ZFP64: variants seen among roughly 807,000 people sequenced by gnomAD.
ZFP64 encodes the protein zinc finger protein 64.
A neutral mutation model predicts 51.6 loss-of-function variants in ZFP64; 14 were observed. The ratio of observed to expected loss-of-function variants is 0.27; its 90% CI spans 0.18 to 0.42. The LOEUF (loss-of-function observed/expected upper bound fraction) is 0.42, where lower values mean the gene tolerates loss of function less well. Among genes scored for constraint, ZFP64 ranks in the 10% least tolerant of loss-of-function variants. ZFP64 has a pLI of 1.00. For synonymous variants in ZFP64, 375 were observed against 361.4 expected, an observed-to-expected ratio of 1.04 and a Z score of -0.43; for missense variants, 754 against 906.8, an observed-to-expected ratio of 0.83 and a Z score of 2.16.
At chr20:52,181,224 G>A (rs868429872) in intron 2 of ZFP64, among the ~76,000 whole-genome samples, 1 of 152,086 alleles carries the variant, frequency 6.6e-6, no homozygotes, top group Non-Finnish European at 1.5e-5. Context: ...TTACAGGCAC[G>A]AGCCACCACA....
intron 5 of ZFP64, among the ~76,000 whole-genome samples, chr20:52,124,892 C>T (rs1330739198): frequency 1.3e-5 from 2 of 152,058 alleles, no homozygotes; most frequent in Non-Finnish European, 2.9e-5. Flanking sequence ...GTATGAGCCA[C>T]CATGCCCGGC....
chr20:52,186,727 C>G, intron 2 of ZFP64, 105 bp downstream of exon 2: 1 of 1,472,336 alleles, frequency 6.8e-7, no homozygotes, highest in Non-Finnish European at 9.1e-7. Context: ...AATCAGCAAC[C>G]CTAGGGGGTG....
chr20:52,167,116 GGAGTTC>G (rs1005151636), intron 2 of ZFP64, among the ~76,000 whole-genome samples: 18 of 152,050 alleles, frequency 1.2e-4, no homozygotes, highest in Non-Finnish European at 2.6e-4. Context: ...CCTGCGGTCA[GGAGTTC>G]GAGACTAGCC....
At chr20:52,111,444 A>G (rs1269204726) in intron 5 of ZFP64, among the ~76,000 whole-genome samples, 2 of 151,272 alleles carry the variant, frequency 1.3e-5, no homozygotes, top group African/African-American at 4.9e-5. Context: ...TGAACTCCCA[A>G]CCTCAGGTGA....
intron 2 of ZFP64, among the ~76,000 whole-genome samples, chr20:52,176,505 C>CTTT (rs557663780): frequency 4.4e-5 from 6 of 136,730 alleles, no homozygotes; most frequent in Non-Finnish European, 6.3e-5. Flanking sequence ...TTCAATCTCT[C>CTTT]TTTTTTTTTT....
intron 8 of ZFP64, among the ~76,000 whole-genome samples, chr20:52,087,554 TATTCC>T (rs1421491286): frequency 2.6e-5 from 4 of 152,394 alleles, no homozygotes; most frequent in African/African-American, 4.8e-5. Context: ...TGGCTCATTT[TATTCC>T]ATTCATTTCC....
intron 5 of ZFP64, among the ~76,000 whole-genome samples, chr20:52,113,563 G>A (rs1600719690): frequency 6.9e-6 from 1 of 145,164 alleles, no homozygotes; most frequent in African/African-American, 2.5e-5. Flanking sequence ...AAGTAGCTGA[G>A]ATTACAAGGC....
intron 5 of ZFP64, among the ~76,000 whole-genome samples, chr20:52,136,096 C>CAAAAAAAAAAAAAAAAAAAAAA (rs71192597): frequency 5.3e-5 from 2 of 38,032 alleles, no homozygotes; most frequent in Non-Finnish European, 4.4e-5. Context: ...GAGACTCTCT[C>CAAAAAAAAAAAAAAAAAAAAAA]AAAAAAAAAA....
At chr20:52,105,438 C>T (rs991219457) in intron 5 of ZFP64, 2 of 1,148,902 alleles carry the variant, frequency 1.7e-6, no homozygotes, top group South Asian at 4.5e-5. Context: ...CGCGGACTTG[C>T]GGTCCGCTCC....
intron 2 of ZFP64, among the ~76,000 whole-genome samples, chr20:52,168,223 A>G (rs1409827567): frequency 1.3e-5 from 2 of 152,186 alleles, no homozygotes; most frequent in African/African-American, 4.8e-5. Flanking sequence ...CAATGGAAAT[A>G]TGTGTAGGGA....
rs369377328 is a variant in ZFP64, at chr20:52,084,773, G to C, written c.1722C>G (p.Ile574Met). ...CACAGCGGAAGGCCCTCTGCGTCAC[G>C]ATCTTGGCCACGTGCTGGGAGCTGC... The change falls in exon 9 of 9, where the codon ATC (isoleucine) becomes ATG (methionine). Residue 574 changes from isoleucine (I) to methionine (M), a missense_variant. Transcript: ENST00000361387. 182 of 1,614,216 alleles carry C rather than the reference G, an allele frequency of 1.1e-4. 3 individuals are homozygous for C. In the South Asian group the frequency reaches 1.9e-3, roughly 17 times the overall value.
chr20:52,159,876 G>A (rs1981630211), intron 5 of ZFP64, among the ~76,000 whole-genome samples: 1 of 152,206 alleles, frequency 6.6e-6, no homozygotes, highest in Admixed American at 6.5e-5. Context: ...TTGGGAGGCT[G>A]AGGCACAAGA....
intron 2 of ZFP64, among the ~76,000 whole-genome samples, chr20:52,186,616 C>A (rs942464685): frequency 1.3e-5 from 2 of 150,550 alleles, no homozygotes; most frequent in African/African-American, 2.4e-5. Flanking sequence ...TTTTTTGTAA[C>A]GTGACAACAT....
chr20:52,164,910 G>C, intron 3 of ZFP64, 153 bp from the exon 4 acceptor site: 1 of 714,312 alleles, frequency 1.4e-6, no homozygotes, highest in African/African-American at 1.7e-5. Context: ...GTGATGACCG[G>C]GAAAAACACA....
intron 5 of ZFP64, among the ~76,000 whole-genome samples, chr20:52,118,675 T>C (rs1289124612): frequency 6.6e-6 from 1 of 152,216 alleles, no homozygotes; most frequent in East Asian, 1.9e-4. Context: ...TTTGGGAATA[T>C]GAAAGCAAGT....
At chr20:52,097,274 G>A (rs2078998588) in intron 7 of ZFP64, 2 of 1,388,394 alleles carry the variant, frequency 1.4e-6, no homozygotes, top group Middle Eastern at 1.8e-4. Flanking sequence ...TGAGGCAGAT[G>A]AGGCAGAGAC....
intron 1 of ZFP64, among the ~76,000 whole-genome samples, chr20:52,190,964 GTC>G (rs1463227419): frequency 1.3e-5 from 2 of 152,124 alleles, no homozygotes; most frequent in Admixed American, 1.3e-4. Flanking sequence ...GTTGCACTCA[GTC>G]TCTGGACCAC....
chr20:52,096,892 G>C (rs947623177), intron 7 of ZFP64: 12 of 354,274 alleles, frequency 3.4e-5, no homozygotes, highest in African/African-American at 2.4e-4. Flanking sequence ...CTGTCTCAGA[G>C]AAAAAAACAA....
chr20:52,114,271 T>C (rs1234820795), intron 5 of ZFP64, among the ~76,000 whole-genome samples: 2 of 152,262 alleles, frequency 1.3e-5, no homozygotes, highest in African/African-American at 4.8e-5. Flanking sequence ...GAGCCAGCTA[T>C]TCCATGCCTA....
Sources: gnomAD v4.1 joint callset for allele counts (sites outside exome capture counted in the v4.1 genomes callset) on GRCh38, gnomAD v4.1.1 for gene constraint, MANE v1.5 for transcripts, NCBI Gene and HGNC (gene_info 2026-07-23, HGNC 2026-07-21) for gene names.